Variants in TMEM272 observed in about 807,000 individuals in gnomAD.
The protein encoded by TMEM272 is long intergenic non-protein coding RNA 282.
TMEM272 carries 8 observed loss-of-function variants against 3.7 expected under a neutral mutation model. The ratio of observed to expected loss-of-function variants is 2.17; its 90% CI spans 1.27 to 3.91. TMEM272 has a LOEUF of 3.91. TMEM272 is among the 30% of genes most tolerant of loss of function. The pLI is 0.00. For synonymous variants in TMEM272, 63 were observed against 39.8 expected, an observed-to-expected ratio of 1.58 and a Z score of -2.20; for missense variants, 166 against 91.5, an observed-to-expected ratio of 1.81 and a Z score of -3.32.
At chr13:51,840,526 G>C (rs1378903282) in intron 1 of TMEM272, among the ~76,000 whole-genome samples, 1 of 152,182 alleles carries the variant, frequency 6.6e-6, no homozygotes, top group African/African-American at 2.4e-5. Context: ...ATGGGACACA[G>C]AGTGGCAGGG....
the TMEM272 span, chr13:51,930,353 T>C: frequency 1.3e-4 from 20 of 152,328 alleles, no homozygotes; most frequent in South Asian, 4.1e-3. Flanking sequence ...AGCATTCTCA[T>C]ATTCTATCCT....
intron 2 of TMEM272, among the ~76,000 whole-genome samples, chr13:51,834,946 G>A (rs1234978535): frequency 6.6e-6 from 1 of 152,250 alleles, no homozygotes; most frequent in Non-Finnish European, 1.5e-5. Flanking sequence ...TTCTGCAGCA[G>A]AGAGCTTGAC....
At chr13:51,893,719 A>G in the TMEM272 span, among the ~76,000 whole-genome samples, 1 of 152,090 alleles carries the variant, frequency 6.6e-6, no homozygotes, top group Non-Finnish European at 1.5e-5. Context: ...GAGGCCACAC[A>G]GTTGCTTCTG....
the TMEM272 span, among the ~76,000 whole-genome samples, chr13:51,925,113 G>A: frequency 6.6e-6 from 1 of 152,162 alleles, no homozygotes; most frequent in Admixed American, 6.5e-5. Context: ...CTTGCACTTA[G>A]AAGGAATGCG....
the TMEM272 span, among the ~76,000 whole-genome samples, chr13:51,904,154 A>G: frequency 6.6e-6 from 1 of 152,158 alleles, no homozygotes; most frequent in African/African-American, 2.4e-5. Flanking sequence ...AATCAGCATG[A>G]GCTTAATGAC....
At chr13:51,933,743 G>A in the TMEM272 span, 2 of 152,188 alleles carry the variant, frequency 1.3e-5, no homozygotes, top group Non-Finnish European at 1.5e-5. Context: ...ATTCTCTACT[G>A]AACCCCACGA....
chr13:51,919,901 C>A, the TMEM272 span, among the ~76,000 whole-genome samples: 1 of 152,070 alleles, frequency 6.6e-6, no homozygotes, highest in Non-Finnish European at 1.5e-5. Flanking sequence ...GCTATTAATG[C>A]ATCATGCCTA....
At chr13:51,818,291 A>G (rs564720792) in intron 4 of TMEM272, among the ~76,000 whole-genome samples, 2 of 152,358 alleles carry the variant, frequency 1.3e-5, no homozygotes, top group Admixed American at 6.5e-5. Flanking sequence ...AGAAGCAAGG[A>G]TAAAATAAAG....
At chr13:51,894,535 G>A in the TMEM272 span, among the ~76,000 whole-genome samples, 1 of 152,190 alleles carries the variant, frequency 6.6e-6, no homozygotes, top group Non-Finnish European at 1.5e-5. Context: ...GTTTTGCTGG[G>A]GAGCTAAGTT....
At chr13:51,846,009 G>C (rs35382547), upstream of TMEM272, among the ~76,000 whole-genome samples, 1 of 152,100 alleles carries the variant, frequency 6.6e-6, no homozygotes, top group African/African-American at 2.4e-5. Flanking sequence ...GGGAGGGACT[G>C]GGGGAGGGAC....
the TMEM272 span, among the ~76,000 whole-genome samples, chr13:51,926,635 G>C: frequency 1.4e-4 from 20 of 144,028 alleles, no homozygotes; most frequent in Middle Eastern, 3.6e-3. Flanking sequence ...GCGGGTTTGT[G>C]GGTGTGGGTG....
the TMEM272 span, among the ~76,000 whole-genome samples, chr13:51,858,642 T>G: frequency 6.6e-6 from 1 of 152,202 alleles, no homozygotes; most frequent in Admixed American, 6.5e-5. Flanking sequence ...TTAGCTCAGC[T>G]AAAAACCGGG....
chr13:51,835,058 G>A (rs574138265), intron 2 of TMEM272, among the ~76,000 whole-genome samples: 51 of 152,124 alleles, frequency 3.4e-4, no homozygotes, highest in Admixed American at 9.8e-4. Context: ...CTGAGAGCAC[G>A]GAGACCACCC....
At chr13:51,911,772 C>T in the TMEM272 span, among the ~76,000 whole-genome samples, 1 of 152,184 alleles carries the variant, frequency 6.6e-6, no homozygotes, top group East Asian at 1.9e-4. Flanking sequence ...TCTGCCACTC[C>T]CTTGCCCACA....
chr13:51,875,437 C>CGTGCAAAGTGAAGGAGTTTAACACG, the TMEM272 span, among the ~76,000 whole-genome samples: 12 of 152,156 alleles, frequency 7.9e-5, no homozygotes, highest in African/African-American at 2.9e-4. Context: ...TCTTTAGCAG[C>CGTGCAAAGTGAAGGAGTTTAACACG]GTGCAAAGTG....
the TMEM272 span, chr13:51,865,327 C>T: frequency 6.5e-5 from 95 of 1,470,192 alleles, no homozygotes; most frequent in African/African-American, 1.1e-3. Flanking sequence ...CTGCTGCCCC[C>T]ACAGGGTCTG....
At chr13:51,833,165 C>T (rs1405231563) in intron 2 of TMEM272, among the ~76,000 whole-genome samples, 1 of 152,104 alleles carries the variant, frequency 6.6e-6, no homozygotes. Flanking sequence ...GAGACAGAGA[C>T]ACTCAGAGTG....
At chr13:51,899,629 T>C in the TMEM272 span, among the ~76,000 whole-genome samples, 91 of 152,330 alleles carry the variant, frequency 6.0e-4, no homozygotes, top group African/African-American at 1.9e-3. Context: ...CTGGCTTCTA[T>C]GTAGAAATTG....
chr13:51,885,151 A>T, the TMEM272 span, among the ~76,000 whole-genome samples: 2 of 152,210 alleles, frequency 1.3e-5, no homozygotes, highest in Non-Finnish European at 2.9e-5. Flanking sequence ...GTATCCATGA[A>T]CACTTTTGTC....
Sources: gnomAD v4.1 joint callset for allele counts (sites outside exome capture counted in the v4.1 genomes callset) on GRCh38, gnomAD v4.1.1 for gene constraint, MANE v1.5 for transcripts, NCBI Gene and HGNC (gene_info 2026-07-23, HGNC 2026-07-21) for gene names.